Variants in OS9 observed in about 807,000 individuals in gnomAD.
OS9 encodes OS9 endoplasmic reticulum lectin.
Under a neutral mutation model 84.7 loss-of-function variants are expected in OS9, and 58 were observed. The ratio of observed to expected loss-of-function variants is 0.68; its 90% CI spans 0.55 to 0.85. OS9 has a LOEUF of 0.85. OS9 is among the 40% of genes least tolerant of loss of function. OS9 has a pLI of 0.00. For missense variants in OS9, 760 were observed against 850.9 expected, an observed-to-expected ratio of 0.89 and a Z score of 1.33; for synonymous variants, 278 against 320.8, an observed-to-expected ratio of 0.87 and a Z score of 1.43.
At chr12:57,697,908 AACACACACACACACATACACAC>A (rs149409396) in intron 5 of OS9, among the ~76,000 whole-genome samples, 28 of 75,156 alleles carry the variant, frequency 3.7e-4, no homozygotes, top group African/African-American at 6.3e-4. Context: ...AACATAAGCA[AACACACACACACACATACACAC>A]ACACACACAC....
chr12:57,701,754 C>T (rs1427609345), intron 5 of OS9, among the ~76,000 whole-genome samples: 3 of 151,856 alleles, frequency 2.0e-5, no homozygotes, highest in East Asian at 1.9e-4. Context: ...CACTGGGTTA[C>T]AGGAGTGTAT....
chr12:57,698,026 A>G (rs1334328867), intron 5 of OS9, among the ~76,000 whole-genome samples: 6 of 151,598 alleles, frequency 4.0e-5, no homozygotes, highest in African/African-American at 9.7e-5. Context: ...AGCATGTATC[A>G]TTACTTGAAA....
chr12:57,714,205 T>C (rs1218141051), intron 5 of OS9, among the ~76,000 whole-genome samples: 1 of 152,162 alleles, frequency 6.6e-6, no homozygotes, highest in Non-Finnish European at 1.5e-5. Context: ...TGCTTTATGT[T>C]TGTTTGTTTG....
intron 12 of OS9, chr12:57,719,427 G>A: frequency 5.7e-6 from 3 of 525,650 alleles, no homozygotes; most frequent in Non-Finnish European, 1.0e-5. Flanking sequence ...GTTTGCTCCT[G>A]TACACCCAGT....
rs1048835900 is a variant in OS9, at chr12:57,718,092, A to T, written c.1135-54A>T. ...TGCTACTGTTTGTCTGCCCCCGACC[A>T]TGTGTCTCTGTTGAAACCCCAACTG... On this transcript the variant is annotated intron_variant, in intron 10 of 14. Coordinates refer to ENST00000315970, the MANE Select transcript of OS9 (RefSeq NM_006812.4). 1.0e-5 allele frequency: 16 copies of T among 1,581,478 alleles called. No homozygotes were observed. The African/African-American group carries it at 1.6e-4, about 16-fold the overall frequency.
chr12:57,720,015 G>A, intron 12 of OS9, 84 bp from the exon 13 acceptor site: 2 of 1,313,726 alleles, frequency 1.5e-6, no homozygotes, highest in Non-Finnish European at 2.1e-6. Context: ...GCCAACTGAT[G>A]TTTTAGGGGG....
At chr12:57,697,862 A>AACACACACACACACGC (rs1953892893) in intron 5 of OS9, among the ~76,000 whole-genome samples, 1 of 116,356 alleles carries the variant, frequency 8.6e-6, no homozygotes, top group Non-Finnish European at 1.8e-5. Context: ...AACATAAGCA[A>AACACACACACACACGC]ACACACACAC....
rs764776431 is a variant in OS9, at chr12:57,695,816, C to T, written c.376C>T (p.Arg126Cys). Reference sequence around the variant, plus strand: ...GTGGACATATGAATTCTGTTATGGACGCCACATCCAGCAATACCACATGGA... The same window carrying T: ...GTGGACATATGAATTCTGTTATGGATGCCACATCCAGCAATACCACATGGA... The part of the protein sequence containing the change: ...DWWTYEFCYG[R>C]HIQQYHMEDS... The change falls in exon 3 of 15, where the codon CGC becomes TGC. Residue 126 changes from arginine (R) to cysteine (C), a missense_variant. Physicochemically the swap from Arg to Cys is radical, Grantham distance 180. Coordinates refer to ENST00000315970, the MANE Select transcript of OS9 (RefSeq NM_006812.4). 27 of 1,611,676 alleles carry T rather than the reference C, an allele frequency of 1.7e-5. No homozygotes were observed. Among genetic ancestry groups the T allele is most frequent in the South Asian group, 4.4e-5 (4 of 91,036 alleles).
chr12:57,697,900 CATAAGCAA>C lies in OS9; in HGVS notation c.579+1529_579+1536del, dbSNP rs1347580672. The stretch of plus-strand genomic sequence containing the variant: ...ACACACACACACACACGGAACCTAA[CATAAGCAA>C]ACACACACACACACATACACACACA... On this transcript the variant is annotated intron_variant, in intron 5 of 14. Transcript: ENST00000315970. 2.1e-3 allele frequency among the ~76,000 whole-genome samples: 261 copies of C among 123,164 alleles called. 2 individuals carry two copies. Among genetic ancestry groups the C allele is most frequent in the African/African-American group, 3.7e-3 (124 of 33,530 alleles). 80.8% of individuals were successfully genotyped at this position (123,164 alleles called of 152,430 possible).
In OS9 at chr12:57,711,208, G is replaced by A. The variant is rs73335926; in HGVS notation, c.580-4552G>A. On this transcript the variant is annotated intron_variant, in intron 5 of 14. Transcript: ENST00000315970. ...TTTTTGTGTGATTACAAACAATTAT[G>A]AATGGAGATTCTTATTTCCTTTCCC... Among the ~76,000 whole-genome samples the A allele has an allele frequency of 4.6e-3, 704 of 151,940 alleles. 7 individuals are homozygous for A. Among genetic ancestry groups the A allele is most frequent in the African/African-American group, 0.016 (659 of 41,420 alleles).
intron 5 of OS9, among the ~76,000 whole-genome samples, chr12:57,702,422 T>C (rs1954052532): frequency 6.6e-6 from 1 of 152,236 alleles, no homozygotes; most frequent in African/African-American, 2.4e-5. Flanking sequence ...TTTTATTTCT[T>C]TTTATGGCTT....
In OS9 at chr12:57,695,840, G is replaced by C. The variant is rs751167730; in HGVS notation, c.400G>C (p.Glu134Gln). Residue 134 changes from glutamate to glutamine, a missense_variant, in exon 3 of 15, where the codon GAA (glutamate) becomes CAA (glutamine). Coordinates refer to ENST00000315970, the MANE Select transcript of OS9 (RefSeq NM_006812.4). ...ACGCCACATCCAGCAATACCACATG[G>C]AAGGTAACTCACTCCTATATTTTCC... ...YGRHIQQYHMEDSEIKGEVLY... is the reference protein window; with the variant it reads ...YGRHIQQYHMQDSEIKGEVLY... 1.2e-6 allele frequency: 2 copies of C among 1,609,098 alleles called. No homozygotes were observed. Among genetic ancestry groups the C allele is most frequent in the Admixed American group, 3.3e-5 (2 of 60,014 alleles).
intron 5 of OS9, among the ~76,000 whole-genome samples, chr12:57,714,555 G>A (rs566397121): frequency 7.1e-4 from 108 of 152,154 alleles, no homozygotes; most frequent in African/African-American, 2.5e-3. Flanking sequence ...CCTGTGGAGT[G>A]TGCGAAATCC....
chr12:57,718,239 CAGAG>C lies in OS9; in HGVS notation c.1234_1237del (p.Glu412TrpfsTer44). On this transcript the variant is annotated frameshift_variant, in exon 11 of 15. Coordinates refer to ENST00000315970, the MANE Select transcript of OS9 (RefSeq NM_006812.4). LOFTEE classifies it high-confidence loss of function. ...GAAGGAAAGGGGTGATCCAGAACGG[CAGAG>C]AGAGATGGAAGAAGAGGAGGATGAG... The C allele has an allele frequency of 6.2e-7, 1 of 1,613,984 alleles. No individual in the cohort carries two copies.
rs1954670410 is a variant in OS9, at chr12:57,721,159, T to A, written c.*250T>A. ...GAACTCTCACTCAATCCTCTTCCTC[T>A]CCTCTGTGGCTTTTCCTGTTATTGT... is the stretch of plus-strand genomic sequence containing the variant. On this transcript the variant is annotated 3_prime_UTR_variant, in exon 15 of 15. Transcript: ENST00000315970. 6.8e-6 allele frequency: 3 copies of A among 443,162 alleles called. No homozygotes were observed. The East Asian group carries it at 1.4e-4, about 21-fold the overall frequency. 27.5% of individuals were successfully genotyped at this position (443,162 alleles called of 1,614,324 possible).
intron 11 of OS9, 34 bp from the exon 12 acceptor site, chr12:57,718,959 C>T (rs1472088293): frequency 5.1e-6 from 8 of 1,557,384 alleles, no homozygotes; most frequent in Admixed American, 1.7e-5. Flanking sequence ...ACACCCCAGA[C>T]CCTTGACTCA....
At position 57,695,911 on chromosome 12, in the gene OS9, C is replaced by T. The variant is rs369678141; in HGVS notation, c.404-51C>T. 174 of 1,566,716 alleles carry T rather than the reference C, an allele frequency of 1.1e-4. No individual in the cohort carries two copies. In the Middle Eastern group the frequency reaches 3.7e-3, roughly 33 times the overall value. On this transcript the variant is annotated intron_variant, in intron 3 of 14. Transcript: ENST00000315970. Reference sequence around the variant, plus strand: ...CATGGAAGTTCCCCAGTTCCCTCCTCCTCCTCCTCCTCTTAAGAGTAACAG... The same window carrying T: ...CATGGAAGTTCCCCAGTTCCCTCCTTCTCCTCCTCCTCTTAAGAGTAACAG...
intron 4 of OS9, 81 bp downstream of exon 4, chr12:57,696,119 A>T: frequency 7.8e-7 from 1 of 1,277,070 alleles, no homozygotes; most frequent in South Asian, 1.2e-5. Flanking sequence ...GGTCAAGATT[A>T]GCTGATCTGT....
intron 5 of OS9, among the ~76,000 whole-genome samples, chr12:57,702,530 G>C (rs1455461481): frequency 6.6e-6 from 1 of 152,200 alleles, no homozygotes; most frequent in Admixed American, 6.5e-5. Context: ...ATAATGCTGC[G>C]ATGAACATTG....
Sources: allele counts gnomAD v4.1 joint callset (sites outside exome capture counted in the v4.1 genomes callset), GRCh38; gene constraint gnomAD v4.1.1; transcripts MANE v1.5; gene names NCBI Gene and HGNC (gene_info 2026-07-23, HGNC 2026-07-21).